Variants in DPP10 observed in about 807,000 individuals in gnomAD.
DPP10 encodes the protein inactive dipeptidyl peptidase 10.
DPP10 carries 33 observed loss-of-function variants against 120.9 expected under a neutral mutation model. That is an observed-to-expected ratio of 0.27 (90% CI 0.21 to 0.37). The LOEUF (loss-of-function observed/expected upper bound fraction) is 0.37, where lower values mean the gene tolerates loss of function less well. Among genes scored for constraint, DPP10 ranks in the 10% least tolerant of loss-of-function variants. The pLI is 1.00. For synonymous variants in DPP10, 337 were observed against 326.1 expected (o/e 1.03, Z -0.36); for missense variants, 816 against 942.8 (o/e 0.87, Z 1.76).
intron 1 of DPP10, among the ~76,000 whole-genome samples, chr2:115,042,008 C>CTTTTTTT (rs5833573): frequency 3.9e-4 from 31 of 80,300 alleles, no homozygotes; most frequent in South Asian, 4.9e-4. Context: ...TCTATCTTAT[C>CTTTTTTT]TTTTTTTTTT....
chr2:114,530,837 A>G (rs1239554016), intron 1 of DPP10, among the ~76,000 whole-genome samples: 1 of 152,186 alleles, frequency 6.6e-6, no homozygotes, highest in Non-Finnish European at 1.5e-5. Flanking sequence ...AAGTTTGGAT[A>G]TATGGTGACA....
intron 1 of DPP10, among the ~76,000 whole-genome samples, chr2:114,740,093 A>T (rs1238054328): frequency 3.3e-5 from 5 of 151,428 alleles, no homozygotes; most frequent in African/African-American, 4.9e-5. Context: ...AATAGCAAAG[A>T]CTTGGAACCA....
At chr2:115,177,435 A>AT (rs1244769246) in intron 1 of DPP10, among the ~76,000 whole-genome samples, 1 of 151,974 alleles carries the variant, frequency 6.6e-6, no homozygotes, top group Non-Finnish European at 1.5e-5. Context: ...AACGGAGTCT[A>AT]TTTTTTTCAC....
chr2:115,258,267 G>A (rs61066947), intron 1 of DPP10, among the ~76,000 whole-genome samples: 1 of 152,152 alleles, frequency 6.6e-6, no homozygotes, highest in African/African-American at 2.4e-5. Flanking sequence ...GCTGCCAGTA[G>A]CTGGTGTTAA....
chr2:115,077,406 G>A (rs1460974730), intron 1 of DPP10, among the ~76,000 whole-genome samples: 1 of 152,138 alleles, frequency 6.6e-6, no homozygotes, highest in Non-Finnish European at 1.5e-5. Flanking sequence ...CTGCCCTTGT[G>A]TGGATCAAAT....
chr2:114,528,363 G>A (rs1685679351), intron 1 of DPP10, among the ~76,000 whole-genome samples: 1 of 152,146 alleles, frequency 6.6e-6, no homozygotes, highest in Non-Finnish European at 1.5e-5. Context: ...TTTGAAAATT[G>A]ACTTTCAATC....
At chr2:114,605,685 C>T (rs1292129095) in intron 1 of DPP10, among the ~76,000 whole-genome samples, 1 of 152,026 alleles carries the variant, frequency 6.6e-6, no homozygotes, top group Non-Finnish European at 1.5e-5. Flanking sequence ...CAAGGGATAA[C>T]TGTAATCAAG....
chr2:115,575,562 A>G (rs1156643046), intron 5 of DPP10, among the ~76,000 whole-genome samples: 4 of 152,116 alleles, frequency 2.6e-5, no homozygotes, highest in South Asian at 2.1e-4. Context: ...GCTGAATTCA[A>G]TTTGTGTTCA....
At chr2:115,313,160 T>C (rs908220041) in intron 2 of DPP10, among the ~76,000 whole-genome samples, 12 of 152,068 alleles carry the variant, frequency 7.9e-5, no homozygotes, top group Non-Finnish European at 1.5e-4. Flanking sequence ...GAGTCAGAGG[T>C]TGCAGTGAGC....
At chr2:115,571,301 T>A (rs1030717286) in intron 5 of DPP10, among the ~76,000 whole-genome samples, 3 of 152,144 alleles carry the variant, frequency 2.0e-5, no homozygotes, top group Non-Finnish European at 4.4e-5. Context: ...TGCATGATGC[T>A]GAGGTTTGGG....
intron 5 of DPP10, among the ~76,000 whole-genome samples, chr2:115,613,773 A>G (rs1281682218): frequency 6.6e-6 from 1 of 152,184 alleles, no homozygotes; most frequent in African/African-American, 2.4e-5. Flanking sequence ...TTTCAGTACA[A>G]AGAGATTACT....
At chr2:115,651,283 A>C (rs972025463) in intron 5 of DPP10, among the ~76,000 whole-genome samples, 3 of 152,076 alleles carry the variant, frequency 2.0e-5, no homozygotes, top group African/African-American at 7.2e-5. Flanking sequence ...AGACTTCTAA[A>C]TTAGTCTTTC....
intron 1 of DPP10, among the ~76,000 whole-genome samples, chr2:114,686,121 T>C (rs1168664821): frequency 2.0e-5 from 3 of 151,892 alleles, no homozygotes; most frequent in Non-Finnish European, 2.9e-5. Context: ...CTAATCATCT[T>C]CAGAAGGCAA....
intron 1 of DPP10, among the ~76,000 whole-genome samples, chr2:114,812,073 T>A (rs114252046): frequency 6.6e-6 from 1 of 152,138 alleles, no homozygotes; most frequent in South Asian, 2.1e-4. Flanking sequence ...AATGAAAGCC[T>A]CTGTCAGGGA....
At chr2:114,695,515 A>G (rs185295853) in intron 1 of DPP10, among the ~76,000 whole-genome samples, 409 of 152,208 alleles carry the variant, frequency 2.7e-3, no homozygotes, top group African/African-American at 9.5e-3. Context: ...TATCAAGAGA[A>G]AAAATATCCC....
chr2:115,454,273 A>G (rs1045869904), intron 3 of DPP10, among the ~76,000 whole-genome samples: 3 of 151,656 alleles, frequency 2.0e-5, no homozygotes, highest in Non-Finnish European at 3.0e-5. Context: ...AACCAAACAG[A>G]TAAATAAACA....
At chr2:115,684,762 T>A (rs1439479060) in intron 5 of DPP10, among the ~76,000 whole-genome samples, 1 of 152,018 alleles carries the variant, frequency 6.6e-6, no homozygotes, top group African/African-American at 2.4e-5. Flanking sequence ...TCTTAGGTAA[T>A]AACTGATATT....
chr2:115,591,641 C>G (rs2082671788), intron 5 of DPP10, among the ~76,000 whole-genome samples: 1 of 152,092 alleles, frequency 6.6e-6, no homozygotes, highest in Admixed American at 6.5e-5. Flanking sequence ...AATGTGGACT[C>G]TTTTTTGGTT....
At chr2:115,246,452 G>A (rs2058537212) in intron 1 of DPP10, among the ~76,000 whole-genome samples, 1 of 152,120 alleles carries the variant, frequency 6.6e-6, no homozygotes, top group South Asian at 2.1e-4. Flanking sequence ...AGAATTGGTG[G>A]ATTTTTTCAA....
Sources: allele counts gnomAD v4.1 joint callset (sites outside exome capture counted in the v4.1 genomes callset), GRCh38; gene constraint gnomAD v4.1.1; transcripts MANE v1.5; gene names NCBI Gene and HGNC (gene_info 2026-07-23, HGNC 2026-07-21).